Variants in ATP8B4 observed in about 807,000 individuals in gnomAD.
ATP8B4 encodes probable phospholipid-transporting ATPase IM.
In ATP8B4, 133 loss-of-function variants were observed where a neutral mutation model predicts 145.6. The observed-to-expected ratio is 0.91, with a 90% CI of 0.79 to 1.05. The LOEUF (loss-of-function observed/expected upper bound fraction) is 1.05. Ranked by LOEUF, ATP8B4 falls within the 50% of genes least tolerant of loss-of-function variation. The pLI, the probability that ATP8B4 is intolerant of heterozygous loss-of-function variation, is 0.00. For missense variants in ATP8B4, 1,458 were observed against 1,425.2 expected (o/e 1.02, Z -0.37); for synonymous variants, 507 against 492.9 (o/e 1.03, Z -0.38).
intron 20 of ATP8B4, among the ~76,000 whole-genome samples, chr15:49,912,621 A>C (rs1009915018): frequency 2.6e-5 from 4 of 152,190 alleles, no homozygotes; most frequent in Middle Eastern, 3.2e-3. Context: ...ATTATCCTTA[A>C]GTATACCAAA....
At chr15:50,129,615 G>A (rs181759687) in intron 1 of ATP8B4, among the ~76,000 whole-genome samples, 1 of 152,202 alleles carries the variant, frequency 6.6e-6, no homozygotes, top group Non-Finnish European at 1.5e-5. Context: ...CCATTTCCAA[G>A]TAAGGCCACA....
rs2045281131 is a variant in ATP8B4 at position 49,972,742 on chromosome 15, C to T, written c.1083G>A (p.Arg361=). ...LGHSYFINWD[R]KMYYSRKAIP... is the part of the protein sequence containing the mutation. ...TTGCTTTTCGAGAATAATACATCTTCCGGTCCCAGTTTATAAAATAACTGT... is the reference window on the plus strand; with the variant it reads ...TTGCTTTTCGAGAATAATACATCTTTCGGTCCCAGTTTATAAAATAACTGT... The change falls in exon 13 of 28, where the codon CGG becomes CGA. Residue 361 remains arginine (R), a synonymous_variant. Coordinates refer to ENST00000284509, the MANE Select transcript of ATP8B4 (RefSeq NM_024837.4). The T allele has an allele frequency of 1.2e-6, 2 of 1,614,006 alleles. No homozygotes were observed. The highest frequency in any genetic ancestry group is 1.3e-5 in the African/African-American group (1 of 75,008).
At chr15:49,882,726 A>T (rs561283652) in intron 23 of ATP8B4, among the ~76,000 whole-genome samples, 1 of 152,328 alleles carries the variant, frequency 6.6e-6, no homozygotes, top group Admixed American at 6.5e-5. Context: ...GTTATAAAAC[A>T]GAAGAAATGT....
Position 50,000,575 on chromosome 15 carries a change from G to GT in ATP8B4, c.506+1577dup, listed in dbSNP as rs1258906476. On this transcript the variant is annotated intron_variant, in intron 8 of 27. Transcript: ENST00000284509. ...TTTTTTTACTATTGAGTTTTAAGAAGTTTTTTTAAAATATATTCAAGATAC... is the reference window on the plus strand; with the variant it reads ...TTTTTTTACTATTGAGTTTTAAGAAGTTTTTTTTAAAATATATTCAAGATAC... Among the ~76,000 whole-genome samples the GT allele has an allele frequency of 8.5e-5, 13 of 152,104 alleles. No individual in the cohort carries two copies. In the East Asian group the frequency reaches 1.5e-3, roughly 18 times the overall value.
At chr15:50,047,190 C>A (rs1236459104) in intron 4 of ATP8B4, among the ~76,000 whole-genome samples, 161 bp downstream of exon 4, 3 of 152,192 alleles carry the variant, frequency 2.0e-5, no homozygotes, top group Non-Finnish European at 4.4e-5. Flanking sequence ...TCCTACCTCT[C>A]CCACGTTTGT....
chr15:50,086,968 T>G (rs2055182124), intron 2 of ATP8B4, among the ~76,000 whole-genome samples: 1 of 103,914 alleles, frequency 9.6e-6, no homozygotes, highest in African/African-American at 4.2e-5. Flanking sequence ...TAAAATAATA[T>G]AGAGATCTAT....
At chr15:49,973,808 T>C (rs962676045) in intron 12 of ATP8B4, among the ~76,000 whole-genome samples, 1 of 152,194 alleles carries the variant, frequency 6.6e-6, no homozygotes, top group Non-Finnish European at 1.5e-5. Context: ...GTTTCTACCA[T>C]CAGATTATTA....
chr15:49,942,679 G>A (rs2042253481), intron 14 of ATP8B4, among the ~76,000 whole-genome samples: 1 of 151,946 alleles, frequency 6.6e-6, no homozygotes, highest in Non-Finnish European at 1.5e-5. Flanking sequence ...CAAAAAATTA[G>A]CTGGACGAGG....
At chr15:50,016,210 TA>T (rs2049077527) in intron 6 of ATP8B4, among the ~76,000 whole-genome samples, 1 of 152,348 alleles carries the variant, frequency 6.6e-6, no homozygotes. Flanking sequence ...ATCATTTTCC[TA>T]AACTGAAACC....
rs2048756228 is a variant in ATP8B4, at chr15:50,012,069, T to G, written c.363-1152A>C. Among the ~76,000 whole-genome samples the G allele has an allele frequency of 3.9e-5, 6 of 152,184 alleles. No homozygotes were observed. The South Asian group carries it at 1.2e-3, about 32-fold the overall frequency. ...CACGTTGTTCTGGAAATTTTTCAAT[T>G]GCAGTATTTTCATCTCTAGCCAGAA... On this transcript the variant is annotated intron_variant, in intron 6 of 27. Transcript: ENST00000284509.
At chr15:49,955,582 T>C (rs977753904) in intron 14 of ATP8B4, among the ~76,000 whole-genome samples, 14 of 152,216 alleles carry the variant, frequency 9.2e-5, no homozygotes, top group Admixed American at 7.2e-4. Context: ...CCCATGTTCA[T>C]TGCAGCATTA....
chr15:49,899,132 C>T (rs368214702), intron 21 of ATP8B4, among the ~76,000 whole-genome samples: 2 of 152,284 alleles, frequency 1.3e-5, no homozygotes, highest in East Asian at 1.9e-4. Context: ...TTTAAGTCTA[C>T]ACTTTTTTTC....
At chr15:50,060,261 G>A (rs746032852) in intron 3 of ATP8B4, among the ~76,000 whole-genome samples, 1 of 152,118 alleles carries the variant, frequency 6.6e-6, no homozygotes, top group Non-Finnish European at 1.5e-5. Context: ...CTTAATACAC[G>A]CAGGTTAAGA....
intron 9 of ATP8B4, among the ~76,000 whole-genome samples, chr15:49,988,697 C>T (rs2046826556): frequency 6.6e-6 from 1 of 151,948 alleles, no homozygotes; most frequent in South Asian, 2.1e-4. Context: ...GAAAGGGGAC[C>T]ACGTCAGCCT....
At chr15:50,119,750 C>T (rs1214312083), upstream of ATP8B4, among the ~76,000 whole-genome samples, 3 of 95,020 alleles carry the variant, frequency 3.2e-5, no homozygotes, top group Non-Finnish European at 4.4e-5. Context: ...GGGTTTTTGT[C>T]ACTTTTTTTT....
chr15:50,016,586 G>A (rs926930349), intron 6 of ATP8B4, among the ~76,000 whole-genome samples: 25 of 152,150 alleles, frequency 1.6e-4, no homozygotes, highest in Admixed American at 1.4e-3. Context: ...CCAAGACCAC[G>A]GAGAGCTCTG....
intron 2 of ATP8B4, among the ~76,000 whole-genome samples, chr15:50,100,249 T>C (rs2056268992): frequency 1.3e-5 from 2 of 152,108 alleles, no homozygotes; most frequent in Non-Finnish European, 2.9e-5. Context: ...GACGTGAACT[T>C]TCTCACTGAG....
chr15:50,027,748 G>A (rs994517910), intron 6 of ATP8B4, among the ~76,000 whole-genome samples: 1 of 152,144 alleles, frequency 6.6e-6, no homozygotes, highest in Admixed American at 6.5e-5. Context: ...GTACTTTATT[G>A]CACCATAGAC....
chr15:50,085,338 T>C (rs1257793942), intron 2 of ATP8B4, among the ~76,000 whole-genome samples: 1 of 152,174 alleles, frequency 6.6e-6, no homozygotes, highest in Admixed American at 6.5e-5. Flanking sequence ...ACTTTAACGT[T>C]CCTTCCATCA....
Sources: allele counts gnomAD v4.1 joint callset (sites outside exome capture counted in the v4.1 genomes callset), GRCh38; gene constraint gnomAD v4.1.1; transcripts MANE v1.5; gene names NCBI Gene and HGNC (gene_info 2026-07-23, HGNC 2026-07-21).